Variants in NEGR1 observed in about 807,000 individuals in gnomAD.
NEGR1 encodes IgLON family member 4.
In NEGR1, 10 loss-of-function variants were observed where a neutral mutation model predicts 40.9. The ratio of observed to expected loss-of-function variants is 0.24; its 90% confidence interval spans 0.15 to 0.42. The LOEUF (loss-of-function observed/expected upper bound fraction) is 0.42, where lower values mean the gene tolerates loss of function less well. NEGR1 is among the 10% of genes least tolerant of loss of function. The probability of loss-of-function intolerance (pLI) is 1.00; values close to 1 mark genes in which losing one functional copy is unlikely to be tolerated. For synonymous variants in NEGR1, 185 were observed against 166.8 expected (o/e 1.11, Z -0.84); for missense variants, 352 against 438.9 (o/e 0.80, Z 1.77).
Position 71,919,496 on chromosome 1 carries a change from C to CTT in NEGR1, c.409+15581_409+15582dup, listed in dbSNP as rs79222767. Among the ~76,000 whole-genome samples the CTT allele has an allele frequency of 3.3e-3, 460 of 139,580 alleles. 4 individuals are homozygous for CTT. The highest frequency in any genetic ancestry group is 5.5e-3 in the Admixed American group (77 of 13,874). 91.6% of individuals were successfully genotyped at this position (139,580 alleles called of 152,430 possible). On this transcript the variant is annotated intron_variant, in intron 2 of 6. Coordinates refer to ENST00000357731, the MANE Select transcript of NEGR1 (RefSeq NM_173808.3). The stretch of plus-strand genomic sequence containing the variant: ...TCTTTCTAATACAAACTATCTTAAC[C>CTT]TTTTTTTTTTTTTTTTAGCATCAGG...
intron 6 of NEGR1, among the ~76,000 whole-genome samples, chr1:71,418,216 A>G (rs117216742): frequency 0.017 from 2,542 of 151,974 alleles, 41 homozygotes; most frequent in South Asian, 0.076. Flanking sequence ...TTATAGTTCA[A>G]TGGGGAAAAA....
At chr1:72,203,491 T>C (rs1049801003) in intron 1 of NEGR1, among the ~76,000 whole-genome samples, 1 of 152,138 alleles carries the variant, frequency 6.6e-6, no homozygotes, top group Non-Finnish European at 1.5e-5. Flanking sequence ...TTCTTATAGA[T>C]GAGCAAAGAT....
intron 4 of NEGR1, among the ~76,000 whole-genome samples, chr1:71,672,530 A>G (rs114828269): frequency 0.029 from 4,343 of 152,248 alleles, 168 homozygotes; most frequent in African/African-American, 0.089. Flanking sequence ...AAATCAATCA[A>G]TAAATGAAAG....
At chr1:72,125,204 C>T (rs1649964812) in intron 1 of NEGR1, among the ~76,000 whole-genome samples, 1 of 151,916 alleles carries the variant, frequency 6.6e-6, no homozygotes, top group African/African-American at 2.4e-5. Context: ...GAAAAATACA[C>T]AAATATTACT....
chr1:71,994,281 C>T lies in NEGR1; in HGVS notation c.177-58970G>A, dbSNP rs145829565. 6.2e-3 allele frequency among the ~76,000 whole-genome samples: 950 copies of T among 152,228 alleles called. 15 individuals are homozygous for T. The highest frequency in any genetic ancestry group is 0.022 in the African/African-American group (907 of 41,544). ...TGGTGGCTCACGCCTGTAATCCCAG[C>T]ACTTTGGGAGGCCGAGGCGGGTGGA... On this transcript the variant is annotated intron_variant, in intron 1 of 6. Transcript: ENST00000357731.
At chr1:71,551,497 T>C (rs1648074940) in intron 6 of NEGR1, among the ~76,000 whole-genome samples, 1 of 151,660 alleles carries the variant, frequency 6.6e-6, no homozygotes, top group African/African-American at 2.4e-5. Flanking sequence ...CAAATCAGGA[T>C]ACCTGAGGTC....
At chr1:72,013,079 C>T (rs1646673778) in intron 1 of NEGR1, among the ~76,000 whole-genome samples, 1 of 151,698 alleles carries the variant, frequency 6.6e-6, no homozygotes, top group Non-Finnish European at 1.5e-5. Context: ...ATAAACCCTT[C>T]AGGGGAGGGA....
chr1:72,219,927 T>C (rs1233224762), intron 1 of NEGR1, among the ~76,000 whole-genome samples: 1 of 152,066 alleles, frequency 6.6e-6, no homozygotes, highest in Non-Finnish European at 1.5e-5. Flanking sequence ...TACCTACAGT[T>C]CCTTGCTCTA....
intron 1 of NEGR1, among the ~76,000 whole-genome samples, chr1:72,169,439 A>G (rs1031828312): frequency 6.6e-6 from 1 of 152,158 alleles, no homozygotes; most frequent in Non-Finnish European, 1.5e-5. Context: ...TAGCATTTCA[A>G]TTCTGATTTT....
At chr1:72,013,069 A>G (rs1216158117) in intron 1 of NEGR1, among the ~76,000 whole-genome samples, 4 of 151,968 alleles carry the variant, frequency 2.6e-5, no homozygotes, top group African/African-American at 9.7e-5. Flanking sequence ...ATAGAAGCTT[A>G]TAAACCCTTC....
chr1:71,508,631 T>C lies in NEGR1; in HGVS notation c.940+84186A>G, dbSNP rs79347050. 7.2e-3 allele frequency among the ~76,000 whole-genome samples: 1,093 copies of C among 152,294 alleles called. 13 individuals are homozygous for C. The highest frequency in any genetic ancestry group is 0.025 in the African/African-American group (1,039 of 41,558). Reference sequence around the variant, plus strand: ...ATCAGAGATAGCTCTGGCAGGCAGATAAATATCTTTGCCCTGAACCGAATA... The same window carrying C: ...ATCAGAGATAGCTCTGGCAGGCAGACAAATATCTTTGCCCTGAACCGAATA... On this transcript the variant is annotated intron_variant, in intron 6 of 6. Coordinates refer to ENST00000357731, the MANE Select transcript of NEGR1 (RefSeq NM_173808.3).
chr1:72,106,921 A>G (rs1408002962), intron 1 of NEGR1, among the ~76,000 whole-genome samples: 1 of 152,050 alleles, frequency 6.6e-6, no homozygotes, highest in South Asian at 2.1e-4. Context: ...TCATGAATTC[A>G]GGTAAAAGAC....
intron 6 of NEGR1, among the ~76,000 whole-genome samples, chr1:71,511,722 A>G (rs1050784697): frequency 6.6e-6 from 1 of 152,218 alleles, no homozygotes; most frequent in Admixed American, 6.5e-5. Flanking sequence ...TTCTTTTGTT[A>G]ATGTTCTTAG....
chr1:71,615,003 G>A (rs1484987031), intron 4 of NEGR1, among the ~76,000 whole-genome samples: 1 of 152,114 alleles, frequency 6.6e-6, no homozygotes, highest in Non-Finnish European at 1.5e-5. Context: ...ATAAGAAAAA[G>A]TCCTAAGAGC....
At chr1:71,972,826 C>T (rs1416657526) in intron 1 of NEGR1, among the ~76,000 whole-genome samples, 1 of 152,146 alleles carries the variant, frequency 6.6e-6, no homozygotes, top group African/African-American at 2.4e-5. Flanking sequence ...TGATTCTTCA[C>T]TTTAAGATAT....
At chr1:72,260,308 C>G (rs996185220) in intron 1 of NEGR1, among the ~76,000 whole-genome samples, 1 of 152,062 alleles carries the variant, frequency 6.6e-6, no homozygotes. Context: ...ATTTTATTCT[C>G]TATTGATAAG....
chr1:71,750,967 G>A (rs1655552827), intron 3 of NEGR1, among the ~76,000 whole-genome samples: 1 of 152,060 alleles, frequency 6.6e-6, no homozygotes, highest in South Asian at 2.1e-4. Flanking sequence ...TAGATTTACA[G>A]AATTGAAGGA....
chr1:71,700,865 A>C (rs1653668185), intron 3 of NEGR1, among the ~76,000 whole-genome samples: 1 of 151,946 alleles, frequency 6.6e-6, no homozygotes, highest in Non-Finnish European at 1.5e-5. Context: ...AATTGCATGA[A>C]TTCGTAAAAG....
chr1:71,798,520 TA>T (rs1169419437), intron 2 of NEGR1, among the ~76,000 whole-genome samples: 1 of 152,212 alleles, frequency 6.6e-6, no homozygotes, highest in Non-Finnish European at 1.5e-5. Flanking sequence ...AGAACTATTC[TA>T]ACTATTTATG....
Sources: gnomAD v4.1 joint callset for allele counts (sites outside exome capture counted in the v4.1 genomes callset) on GRCh38, gnomAD v4.1.1 for gene constraint, MANE v1.5 for transcripts, NCBI Gene and HGNC (gene_info 2026-07-23, HGNC 2026-07-21) for gene names.